Variants in TMCC1 observed in about 807,000 individuals in gnomAD.
The protein encoded by TMCC1 is transmembrane and coiled-coil domains protein 1.
A neutral mutation model predicts 52.4 loss-of-function variants in TMCC1; 15 were observed. That is an observed-to-expected ratio of 0.29 (90% CI 0.19 to 0.44). TMCC1 has a LOEUF of 0.44. Ranked by LOEUF, TMCC1 falls within the 20% of genes least tolerant of loss-of-function variation. The pLI, the probability that TMCC1 is intolerant of heterozygous loss-of-function variation, is 1.00. For synonymous variants in TMCC1, 279 were observed against 301.9 expected (o/e 0.92, Z 0.79); for missense variants, 503 against 806.0 (o/e 0.62, Z 4.55).
Position 129,648,381 on chromosome 3 carries a change from T to C in TMCC1, c.*3100A>G, listed in dbSNP as rs2086141731. 1 of 152,212 alleles carries C rather than the reference T, an allele frequency of 6.6e-6. No individual in the cohort carries two copies. Among genetic ancestry groups the C allele is most frequent in the Non-Finnish European group, 1.5e-5 (1 of 68,040 alleles). The allele number at this position is 152,212 out of a possible 1,614,324, so 9.4% of individuals were successfully genotyped here. On this transcript the variant is annotated 3_prime_UTR_variant, in exon 7 of 7. Coordinates refer to ENST00000393238, the MANE Select transcript of TMCC1 (RefSeq NM_001017395.5). ...CAATATTTGTCTTGGCATCAGACTT[T>C]TACTCCATTCAGAACAGGGGAGAGA...
rs567920031 is a variant in TMCC1, at chr3:129,766,131, G to T, written c.576+61672C>A. On this transcript the variant is annotated intron_variant, in intron 4 of 6. Coordinates refer to ENST00000393238, the MANE Select transcript of TMCC1 (RefSeq NM_001017395.5). ...ACTTGAAATAAGGAGCAAAGGAAAA[G>T]AAGGCAATGCAATAATCCCTTCGTC... Among the ~76,000 whole-genome samples, 4 of 152,310 alleles carry T rather than the reference G, an allele frequency of 2.6e-5. No homozygotes were observed. The East Asian group carries it at 7.7e-4, about 29-fold the overall frequency.
intron 4 of TMCC1, among the ~76,000 whole-genome samples, chr3:129,809,938 C>T (rs991734098): frequency 3.3e-5 from 5 of 152,216 alleles, no homozygotes; most frequent in Non-Finnish European, 7.4e-5. Flanking sequence ...TGTAGAAAAA[C>T]ATTAGAGCTA....
In TMCC1 at chr3:129,778,675, G is replaced by GGT. The variant is rs531552846; in HGVS notation, c.576+49127_576+49128insAC. Among the ~76,000 whole-genome samples the GGT allele has an allele frequency of 6.7e-3, 9 of 1,336 alleles. No individual in the cohort carries two copies. The Non-Finnish European group carries it at 0.086, about 13-fold the overall frequency. 0.9% of individuals were successfully genotyped at this position (1,336 alleles called of 152,430 possible). On this transcript the variant is annotated intron_variant, in intron 4 of 6. Coordinates refer to ENST00000393238, the MANE Select transcript of TMCC1 (RefSeq NM_001017395.5). Reference sequence around the variant, plus strand: ...TCATGGAAGGTGATTAGATCATGGTGGGGGGGGGGCAGTCTCCCCATGCTG... The same window carrying GGT: ...TCATGGAAGGTGATTAGATCATGGTGGTGGGGGGGGGCAGTCTCCCCATGCTG...
At position 129,734,416 on chromosome 3, in the gene TMCC1, T is replaced by C. The variant is rs926301854; in HGVS notation, c.577-63152A>G. Among the ~76,000 whole-genome samples, 5 of 152,294 alleles carry C rather than the reference T, an allele frequency of 3.3e-5. No individual in the cohort carries two copies. In the East Asian group the frequency reaches 9.6e-4, roughly 29 times the overall value. ...TTTTTATGGACAGATGTACATGCAA[T>C]ACAAGTACATAGACATATTTGTTAT... On this transcript the variant is annotated intron_variant, in intron 4 of 6. Transcript: ENST00000393238.
rs1204731914 is a variant in TMCC1 at position 129,648,580 on chromosome 3, C to G, written c.*2901G>C. Reference sequence around the variant, plus strand: ...CAATGTAAAATGCGCATTCTACAACCTGAACAATCACCCAGGCCAACACAG... The same window carrying G: ...CAATGTAAAATGCGCATTCTACAACGTGAACAATCACCCAGGCCAACACAG... On this transcript the variant is annotated 3_prime_UTR_variant, in exon 7 of 7. Coordinates refer to ENST00000393238, the MANE Select transcript of TMCC1 (RefSeq NM_001017395.5). 3 of 152,210 alleles carry G rather than the reference C, an allele frequency of 2.0e-5. No homozygotes were observed. The highest frequency in any genetic ancestry group is 4.4e-5 in the Non-Finnish European group (3 of 68,066). The allele number at this position is 152,210 out of a possible 1,614,324, so 9.4% of individuals were successfully genotyped here. A position where few individuals can be genotyped will look rare whatever the true frequency, so the allele number is the denominator to read the frequency against.
At chr3:129,765,068 T>G (rs142838926) in intron 4 of TMCC1, among the ~76,000 whole-genome samples, 6 of 151,168 alleles carry the variant, frequency 4.0e-5, no homozygotes, top group Non-Finnish European at 7.4e-5. Flanking sequence ...TCCCAAAGCA[T>G]TGGGATTACA....
chr3:129,872,465 G>C (rs879725902), intron 2 of TMCC1, among the ~76,000 whole-genome samples: 1 of 152,176 alleles, frequency 6.6e-6, no homozygotes, highest in Non-Finnish European at 1.5e-5. Context: ...AATATGAATT[G>C]TATTTTAACA....
rs530493240 is a variant in TMCC1, at chr3:129,676,808, G to T, written c.577-5544C>A. ...TTAGTTTTCTCATCTATACAACAGG[G>T]TTATCATTTTCTAATGAGATTTTTT... is the stretch of plus-strand genomic sequence containing the variant. On this transcript the variant is annotated intron_variant, in intron 4 of 6. Coordinates refer to ENST00000393238, the MANE Select transcript of TMCC1 (RefSeq NM_001017395.5). Among the ~76,000 whole-genome samples the T allele has an allele frequency of 1.8e-4, 28 of 152,150 alleles. No individual in the cohort carries two copies. The Middle Eastern group carries it at 0.01, about 55-fold the overall frequency.
chr3:129,819,962 G>A (rs972674211), intron 4 of TMCC1: 5 of 151,362 alleles, frequency 3.3e-5, no homozygotes, highest in South Asian at 2.1e-4. Flanking sequence ...TCTACTTGAC[G>A]TCAAGTTTCC....
intron 4 of TMCC1, among the ~76,000 whole-genome samples, chr3:129,731,776 A>C (rs1237377998): frequency 1.3e-5 from 2 of 151,924 alleles, no homozygotes; most frequent in African/African-American, 4.8e-5. Flanking sequence ...GTCAGCCCCC[A>C]AGCCCGGCTA....
chr3:129,683,883 A>G (rs1338533356), intron 4 of TMCC1, among the ~76,000 whole-genome samples: 1 of 152,176 alleles, frequency 6.6e-6, no homozygotes, highest in African/African-American at 2.4e-5. Context: ...TCTGTCCTTT[A>G]AAAAATATAA....
chr3:129,844,735 T>C (rs1412838880), intron 2 of TMCC1, among the ~76,000 whole-genome samples: 1 of 152,328 alleles, frequency 6.6e-6, no homozygotes, highest in East Asian at 1.9e-4. Flanking sequence ...AACTGAATCC[T>C]TTATTTTAGT....
intron 4 of TMCC1, among the ~76,000 whole-genome samples, chr3:129,739,453 G>A (rs2051266181): frequency 6.6e-6 from 1 of 152,140 alleles, no homozygotes; most frequent in Admixed American, 6.5e-5. Flanking sequence ...GTGAGCCACT[G>A]CGCCTGGCCC....
chr3:129,691,945 TAAGA>T (rs1253663199), intron 4 of TMCC1, among the ~76,000 whole-genome samples: 1 of 152,042 alleles, frequency 6.6e-6, no homozygotes. Context: ...CCTACAAATC[TAAGA>T]AAAGAAAAAA....
chr3:129,693,100 A>C (rs1230067764), intron 4 of TMCC1, among the ~76,000 whole-genome samples: 1 of 152,174 alleles, frequency 6.6e-6, no homozygotes, highest in Admixed American at 6.5e-5. Context: ...TGCCTTGTAA[A>C]ATATACTACT....
At chr3:129,885,001 C>T (rs762344119) in intron 1 of TMCC1, among the ~76,000 whole-genome samples, 10 of 151,884 alleles carry the variant, frequency 6.6e-5, no homozygotes, top group East Asian at 1.9e-4. Context: ...TAGCCAGAGA[C>T]GGTGGGACAC....
At chr3:129,869,943 T>C (rs2060834137) in intron 2 of TMCC1, among the ~76,000 whole-genome samples, 1 of 152,232 alleles carries the variant, frequency 6.6e-6, no homozygotes, top group Non-Finnish European at 1.5e-5. Context: ...TGTCCCACTA[T>C]ACACAGCAAG....
At chr3:129,675,569 G>A (rs1290000537) in intron 4 of TMCC1, among the ~76,000 whole-genome samples, 2 of 152,178 alleles carry the variant, frequency 1.3e-5, no homozygotes, top group Non-Finnish European at 2.9e-5. Flanking sequence ...AGAGTTCCTA[G>A]AATATATTCC....
intron 4 of TMCC1, among the ~76,000 whole-genome samples, chr3:129,674,363 C>A (rs1246236567): frequency 6.6e-6 from 1 of 152,184 alleles, no homozygotes; most frequent in East Asian, 1.9e-4. Context: ...CCAACGTCTT[C>A]AGCCTCTAAA....
Sources: gnomAD v4.1 joint callset for allele counts (sites outside exome capture counted in the v4.1 genomes callset) on GRCh38, gnomAD v4.1.1 for gene constraint, MANE v1.5 for transcripts, NCBI Gene and HGNC (gene_info 2026-07-23, HGNC 2026-07-21) for gene names.